Variants in PPHLN1 observed in about 807,000 individuals in gnomAD.
PPHLN1 encodes the protein periphilin 1.
Under a neutral mutation model 51.3 loss-of-function variants are expected in PPHLN1, and 29 were observed. That is an observed-to-expected ratio of 0.57 (90% CI 0.42 to 0.77). The LOEUF (loss-of-function observed/expected upper bound fraction) is 0.77, where lower values mean the gene tolerates loss of function less well. PPHLN1 is among the 30% of genes least tolerant of loss of function. PPHLN1 has a pLI of 0.00. For missense variants in PPHLN1, 436 were observed against 438.4 expected (o/e 0.99, Z 0.05); for synonymous variants, 147 against 147.8 (o/e 0.99, Z 0.04).
intron 9 of PPHLN1, 173 bp downstream of exon 9, chr12:42,399,167 G>A (rs1469492591): frequency 2.2e-6 from 3 of 1,348,646 alleles, no homozygotes; most frequent in Non-Finnish European, 2.9e-6. Flanking sequence ...TGATCAGTAT[G>A]GTCCCCCACC....
intron 9 of PPHLN1, among the ~76,000 whole-genome samples, chr12:42,403,949 C>CT (rs1286764743): frequency 6.6e-6 from 1 of 151,748 alleles, no homozygotes; most frequent in Non-Finnish European, 1.5e-5. Flanking sequence ...TTTTTAGTCT[C>CT]TGAGTATTTT....
At chr12:42,354,578 A>G (rs1445694989) in intron 3 of PPHLN1, among the ~76,000 whole-genome samples, 1 of 152,192 alleles carries the variant, frequency 6.6e-6, no homozygotes, top group Non-Finnish European at 1.5e-5. Context: ...GTACCTTTGC[A>G]AATATGTCTT....
intron 9 of PPHLN1, among the ~76,000 whole-genome samples, chr12:42,419,585 G>A (rs1014698366): frequency 6.6e-6 from 1 of 152,192 alleles, no homozygotes; most frequent in Admixed American, 6.5e-5. Flanking sequence ...AAATTGAAGA[G>A]TAGGGTGGTT....
At chr12:42,444,046 A>G (rs940145908), downstream of PPHLN1, 6 of 152,156 alleles carry the variant, frequency 3.9e-5, no homozygotes, top group Non-Finnish European at 7.3e-5. Flanking sequence ...CATTTTATGG[A>G]TGATATTTTA....
intron 8 of PPHLN1, among the ~76,000 whole-genome samples, chr12:42,396,613 T>TAAAAAAA (rs2078219523): frequency 4.3e-5 from 1 of 23,088 alleles, no homozygotes; most frequent in Non-Finnish European, 8.3e-5. Flanking sequence ...GTCTTGTCAC[T>TAAAAAAA]ACAAAAAAAA....
chr12:42,331,760 C>T (rs1316613796), intron 1 of PPHLN1: 2 of 152,158 alleles, frequency 1.3e-5, no homozygotes, highest in Non-Finnish European at 2.9e-5. Flanking sequence ...GTTGATTCTT[C>T]AGTTTGAATA....
rs1759210986 is a variant in PPHLN1 at position 42,420,415 on chromosome 12, T to C, written c.910-20900T>C. On this transcript the variant is annotated intron_variant, in intron 9 of 9. Coordinates refer to ENST00000358314, the MANE Select transcript of PPHLN1 (RefSeq NM_201439.2). ...GTGTGTTTGTCTCTTTTGGTGTTTA[T>C]TGTTTTCTGGCAGAAATTGTATGAC... Among the ~76,000 whole-genome samples, 3 of 152,114 alleles carry C rather than the reference T, an allele frequency of 2.0e-5. No individual in the cohort carries two copies. The South Asian group carries it at 6.2e-4, about 32-fold the overall frequency.
intron 9 of PPHLN1, among the ~76,000 whole-genome samples, chr12:42,405,644 T>G (rs141845750): frequency 2.4e-4 from 37 of 151,602 alleles, no homozygotes; most frequent in Non-Finnish European, 4.9e-4. Flanking sequence ...ATGCAATATA[T>G]GTTATTTCTG....
At chr12:42,391,944 C>T (rs528226633) in intron 7 of PPHLN1, among the ~76,000 whole-genome samples, 29 of 152,250 alleles carry the variant, frequency 1.9e-4, no homozygotes, top group South Asian at 8.3e-4. Flanking sequence ...AAGCCAGGCA[C>T]GTTGGCTCAT....
chr12:42,360,110 C>CAAAAAAAAAAAAAAAA lies in PPHLN1; in HGVS notation c.299+4901_299+4902insAAAAAAAAAAAAAAAA, dbSNP rs10643805. Reference sequence around the variant, plus strand: ...TGGGTGACAGAGCAAGACTCCATCTCAAAAAAAAAAAAAGAAAAATTGCAA... The same window carrying CAAAAAAAAAAAAAAAA: ...TGGGTGACAGAGCAAGACTCCATCTCAAAAAAAAAAAAAAAAAAAAAAAAAAAAAGAAAAATTGCAA... On this transcript the variant is annotated intron_variant, in intron 4 of 9. Transcript: ENST00000358314. Among the ~76,000 whole-genome samples, 17 of 123,098 alleles carry CAAAAAAAAAAAAAAAA rather than the reference C, an allele frequency of 1.4e-4. 1 individual carries two copies. The highest frequency in any genetic ancestry group is 2.0e-4 in the Non-Finnish European group (12 of 60,588). 80.8% of individuals were successfully genotyped at this position (123,098 alleles called of 152,430 possible).
At chr12:42,392,413 C>T (rs190031151) in intron 7 of PPHLN1, among the ~76,000 whole-genome samples, 4 of 152,018 alleles carry the variant, frequency 2.6e-5, no homozygotes, top group African/African-American at 9.7e-5. Flanking sequence ...ATGGTAGTGC[C>T]CCATAAGTTC....
chr12:42,398,238 C>G (rs1464585925), intron 8 of PPHLN1, among the ~76,000 whole-genome samples: 2 of 152,108 alleles, frequency 1.3e-5, no homozygotes, highest in Non-Finnish European at 1.5e-5. Context: ...CTGAAGTGAT[C>G]ATTATTGATT....
chr12:42,429,089 A>G (rs1488168460), intron 9 of PPHLN1, among the ~76,000 whole-genome samples: 4 of 152,084 alleles, frequency 2.6e-5, no homozygotes, highest in African/African-American at 7.2e-5. Context: ...TTTAAAGCCT[A>G]TTTTATTATG....
At chr12:42,332,269 G>A (rs2069869517) in intron 1 of PPHLN1, among the ~76,000 whole-genome samples, 2 of 152,150 alleles carry the variant, frequency 1.3e-5, no homozygotes, top group South Asian at 4.1e-4. Flanking sequence ...AGTGTATTCT[G>A]TCTTCTAATT....
chr12:42,417,793 A>C (rs2080534267), intron 9 of PPHLN1, among the ~76,000 whole-genome samples: 1 of 151,986 alleles, frequency 6.6e-6, no homozygotes, highest in South Asian at 2.1e-4. Context: ...AGTTCTGAGT[A>C]ACTAGATTAT....
At chr12:42,389,350 TAACAGAGTGAGACTCCGTCTCAA>T (rs1442614433) in intron 7 of PPHLN1, among the ~76,000 whole-genome samples, 1 of 140,390 alleles carries the variant, frequency 7.1e-6, no homozygotes, top group African/African-American at 2.8e-5. Context: ...TCCAGCCTGG[TAACAGAGTGAGACTCCGTCTCAA>T]AACAAAAACA....
At chr12:42,426,496 T>C (rs1430342619) in intron 9 of PPHLN1, among the ~76,000 whole-genome samples, 2 of 152,190 alleles carry the variant, frequency 1.3e-5, no homozygotes, top group Non-Finnish European at 2.9e-5. Context: ...TTAATCTCTC[T>C]GCTTCACTAT....
At chr12:42,430,567 G>T (rs1001470950) in intron 9 of PPHLN1, among the ~76,000 whole-genome samples, 1 of 151,842 alleles carries the variant, frequency 6.6e-6, no homozygotes, top group African/African-American at 2.4e-5. Flanking sequence ...TGTGATCTTG[G>T]CTCACTGCAA....
chr12:42,431,114 G>A (rs2082000707), intron 9 of PPHLN1, among the ~76,000 whole-genome samples: 1 of 152,162 alleles, frequency 6.6e-6, no homozygotes, highest in Non-Finnish European at 1.5e-5. Context: ...ATATCACCCA[G>A]TGTCCCTGCA....
Sources: allele counts gnomAD v4.1 joint callset (sites outside exome capture counted in the v4.1 genomes callset), GRCh38; gene constraint gnomAD v4.1.1; transcripts MANE v1.5; gene names NCBI Gene and HGNC (gene_info 2026-07-23, HGNC 2026-07-21).